ETV1: variants seen among roughly 807,000 people sequenced by gnomAD.
ETV1 encodes the protein ETS translocation variant 1.
In ETV1, 27 loss-of-function variants were observed where a neutral mutation model predicts 62.3. The observed-to-expected ratio is 0.43, with a 90% confidence interval of 0.32 to 0.60. The LOEUF (loss-of-function observed/expected upper bound fraction) is 0.60. Among genes scored for constraint, ETV1 ranks in the 20% least tolerant of loss-of-function variants. ETV1 has a pLI of 0.06. For missense variants in ETV1, 605 were observed against 605.8 expected (o/e 1.00, Z 0.01); for synonymous variants, 222 against 199.6 (o/e 1.11, Z -0.94).
chr7:13,909,341 G>A (rs1713822112), intron 11 of ETV1, among the ~76,000 whole-genome samples: 1 of 152,080 alleles, frequency 6.6e-6, no homozygotes, highest in Non-Finnish European at 1.5e-5. Flanking sequence ...AGCTGCATGT[G>A]CTCAGCAGGG....
At chr7:13,968,954 T>C (rs12111758) in intron 6 of ETV1, among the ~76,000 whole-genome samples, 89,139 of 151,960 alleles carry the variant, frequency 0.59, 26,747 homozygotes, top group Admixed American at 0.67. Flanking sequence ...TTCATTGGAT[T>C]TTCATTTTGA....
intron 7 of ETV1, among the ~76,000 whole-genome samples, chr7:13,938,156 G>C (rs1787032635): frequency 6.6e-6 from 1 of 152,148 alleles, no homozygotes; most frequent in African/African-American, 2.4e-5. Flanking sequence ...TGTTGGTCAG[G>C]CTGGTCTTGA....
At chr7:13,986,088 A>G in intron 5 of ETV1, 1 of 1,517,720 alleles carries the variant, frequency 6.6e-7, no homozygotes, top group Middle Eastern at 1.7e-4. Context: ...TTTTAAACCC[A>G]TAGATTTCCT....
intron 13 of ETV1, among the ~76,000 whole-genome samples, chr7:13,896,468 T>A (rs1310315512): frequency 2.0e-5 from 3 of 152,154 alleles, no homozygotes; most frequent in African/African-American, 7.2e-5. Flanking sequence ...AGGTAGTATC[T>A]ACAAATCTGT....
rs185472371 is a variant in ETV1, at chr7:13,910,613, T to G, written c.871+626A>C. 2.0e-3 allele frequency: 371 copies of G among 188,694 alleles called. 3 individuals carry two copies. Among genetic ancestry groups the G allele is most frequent in the African/African-American group, 7.3e-3 (310 of 42,192 alleles). 11.7% of individuals were successfully genotyped at this position (188,694 alleles called of 1,614,324 possible). A position where few individuals can be genotyped will look rare whatever the true frequency, so the allele number is the denominator to read the frequency against. On this transcript the variant is annotated intron_variant, in intron 10 of 13. Transcript: ENST00000430479. The stretch of plus-strand genomic sequence containing the variant: ...TCAATCCTATTAAAGAGATGTAGAG[T>G]GTTTAGGTTAGGAACCATGCACATA...
intron 9 of ETV1, among the ~76,000 whole-genome samples, chr7:13,929,370 T>C (rs1785817487): frequency 1.3e-5 from 2 of 152,308 alleles, no homozygotes; most frequent in East Asian, 1.9e-4. Context: ...CCAAGCAAAC[T>C]GATAAATAAG....
At chr7:13,959,901 A>G (rs1789963093) in intron 6 of ETV1, among the ~76,000 whole-genome samples, 1 of 145,386 alleles carries the variant, frequency 6.9e-6, no homozygotes, top group South Asian at 2.2e-4. Context: ...AAAAAAAAAA[A>G]AAAAAAAAGA....
At chr7:13,913,664 A>G (rs1783800835) in intron 9 of ETV1, among the ~76,000 whole-genome samples, 8 of 152,126 alleles carry the variant, frequency 5.3e-5, no homozygotes, top group Admixed American at 5.2e-4. Context: ...AAAAATAATT[A>G]TATATCTAAA....
At chr7:13,967,842 A>C (rs973441016) in intron 6 of ETV1, among the ~76,000 whole-genome samples, 1 of 152,092 alleles carries the variant, frequency 6.6e-6, no homozygotes, top group Non-Finnish European at 1.5e-5. Flanking sequence ...ATGAGGTGGT[A>C]GCCCCCAAAT....
chr7:13,932,856 A>G (rs1222740614), intron 8 of ETV1, among the ~76,000 whole-genome samples: 2 of 152,228 alleles, frequency 1.3e-5, no homozygotes, highest in African/African-American at 4.8e-5. Context: ...GTAATGTTAA[A>G]TAAAAATAAG....
chr7:13,895,951 A>G lies in ETV1; in HGVS notation c.1349T>C (p.Leu450Pro). 3 of 1,613,790 alleles carry G rather than the reference A, an allele frequency of 1.9e-6. No individual in the cohort carries two copies. Among genetic ancestry groups the G allele is most frequent in the South Asian group, 1.1e-5 (1 of 90,994 alleles). ...GGCCATGCTCTCATCAAAGTGAGAA[A>G]GAGGCACTGTGTCCTCCTCGTTGAT... ...RHINEEDTVP[L>P]SHFDESMAYM... is the part of the protein sequence containing the mutation. Residue 450 changes from leucine to proline, a missense_variant, in exon 14 of 14, where the codon CTT (leucine) becomes CCT (proline). By Grantham distance (98) the Leu-to-Pro change is moderately conservative. This residue lies in a region of ETV1 where 79 missense variants were observed against 71.6 expected (regional missense o/e 1.10). Coordinates refer to ENST00000430479, the MANE Select transcript of ETV1 (RefSeq NM_004956.5).
chr7:13,948,588 G>C (rs1303773523), intron 6 of ETV1, among the ~76,000 whole-genome samples: 1 of 152,150 alleles, frequency 6.6e-6, no homozygotes, highest in East Asian at 1.9e-4. Context: ...TGAAGCGTTA[G>C]TAGAACACTC....
At chr7:13,953,671 TA>T (rs547636006) in intron 6 of ETV1, among the ~76,000 whole-genome samples, 1,779 of 128,416 alleles carry the variant, frequency 0.014, 16 homozygotes, top group Middle Eastern at 0.051. Flanking sequence ...AAGAACATGT[TA>T]AAAAAAAAAA....
At chr7:13,927,752 C>T (rs10085783) in intron 9 of ETV1, among the ~76,000 whole-genome samples, 11,517 of 152,156 alleles carry the variant, frequency 0.076, 836 homozygotes, top group African/African-American at 0.19. Context: ...TACATTTTGA[C>T]ACCCACAGAT....
intron 6 of ETV1, among the ~76,000 whole-genome samples, chr7:13,970,602 T>C (rs1780806510): frequency 6.6e-6 from 1 of 152,074 alleles, no homozygotes. Context: ...GTAAAAGCAG[T>C]CAGAAAAACG....
At chr7:13,927,961 C>T (rs1192679208) in intron 9 of ETV1, among the ~76,000 whole-genome samples, 1 of 152,044 alleles carries the variant, frequency 6.6e-6, no homozygotes, top group Non-Finnish European at 1.5e-5. Flanking sequence ...ATAAAATTAA[C>T]AGCTTTTTAG....
intron 13 of ETV1, among the ~76,000 whole-genome samples, chr7:13,898,145 C>T (rs1782034288): frequency 1.3e-5 from 2 of 152,154 alleles, no homozygotes; most frequent in South Asian, 4.2e-4. Context: ...GATAACCAAC[C>T]AAGGGGAATG....
intron 6 of ETV1, among the ~76,000 whole-genome samples, chr7:13,971,502 G>T (rs1583851337): frequency 6.6e-6 from 1 of 152,156 alleles, no homozygotes; most frequent in Non-Finnish European, 1.5e-5. Flanking sequence ...AAGAGTCAGG[G>T]TTATTGTTAT....
At chr7:13,905,602 A>T (rs1782874373) in intron 12 of ETV1, among the ~76,000 whole-genome samples, 1 of 152,190 alleles carries the variant, frequency 6.6e-6, no homozygotes, top group Non-Finnish European at 1.5e-5. Context: ...GAAGAATAAA[A>T]ACTGAACTGA....
Sources: allele counts gnomAD v4.1 joint callset (sites outside exome capture counted in the v4.1 genomes callset), GRCh38; gene constraint gnomAD v4.1.1; regional missense constraint gnomAD v4.1.1; transcripts MANE v1.5; gene names NCBI Gene and HGNC (gene_info 2026-07-23, HGNC 2026-07-21).